The following TAF4 variants were observed in gnomAD, a reference collection of about 807,000 sequenced individuals.
TAF4 encodes TATA-box binding protein associated factor 4.
TAF4 carries 9 observed loss-of-function variants against 90.3 expected under a neutral mutation model. That is an observed-to-expected ratio of 0.10 (90% CI 0.06 to 0.17). The LOEUF (loss-of-function observed/expected upper bound fraction) is 0.17, where lower values mean the gene tolerates loss of function less well. TAF4 is among the 10% of genes least tolerant of loss of function. The pLI is 1.00. For missense variants in TAF4, 1,351 were observed against 1,370.7 expected, an observed-to-expected ratio of 0.99 and a Z score of 0.23; for synonymous variants, 818 against 638.9, an observed-to-expected ratio of 1.28 and a Z score of -4.23.
intron 1 of TAF4, among the ~76,000 whole-genome samples, chr20:62,056,103 G>A (rs773801473): frequency 6.6e-6 from 1 of 152,172 alleles, no homozygotes; most frequent in Non-Finnish European, 1.5e-5. Context: ...TGGGTGTGGT[G>A]GTACATGCCT....
At position 61,975,934 on chromosome 20, in the gene TAF4, C is replaced by A; in HGVS notation, c.*234G>T. Reference sequence around the variant, plus strand: ...TATATGGCTTGTTTGGCAGGAAGGCCACTCAATCAAGATGAGTTAAGATTT... The same window carrying A: ...TATATGGCTTGTTTGGCAGGAAGGCAACTCAATCAAGATGAGTTAAGATTT... On this transcript the variant is annotated 3_prime_UTR_variant, in exon 15 of 15. Transcript: ENST00000252996. 1 of 516,034 alleles carries A rather than the reference C, an allele frequency of 1.9e-6. No homozygotes were observed. The highest frequency in any genetic ancestry group is 3.4e-6 in the Non-Finnish European group (1 of 291,388). The allele number at this position is 516,034 out of a possible 1,614,324, so 32.0% of individuals were successfully genotyped here. A position where few individuals can be genotyped will look rare whatever the true frequency, so the allele number is the denominator to read the frequency against.
intron 14 of TAF4, among the ~76,000 whole-genome samples, chr20:61,986,027 A>G: frequency 7.3e-6 from 1 of 136,358 alleles, no homozygotes; most frequent in African/African-American, 2.7e-5. Flanking sequence ...ATCCCCCATC[A>G]AAGGAAACAC....
intron 1 of TAF4, among the ~76,000 whole-genome samples, chr20:62,040,025 G>A (rs527789399): frequency 1.4e-4 from 21 of 152,292 alleles, no homozygotes; most frequent in South Asian, 1.0e-3. Flanking sequence ...ACCTTTATGC[G>A]CTGCTGGTGA....
chr20:62,008,966 C>A, intron 5 of TAF4, 86 bp downstream of exon 5: 3 of 1,517,304 alleles, frequency 2.0e-6, no homozygotes, highest in Non-Finnish European at 2.6e-6. Flanking sequence ...GCACAGGCCT[C>A]CCGGGCACAG....
intron 1 of TAF4, among the ~76,000 whole-genome samples, chr20:62,047,936 C>T (rs1440805644): frequency 6.6e-6 from 1 of 152,210 alleles, no homozygotes; most frequent in African/African-American, 2.4e-5. Flanking sequence ...CTGCCTGACA[C>T]CGGCAACCCT....
chr20:61,988,375 T>C (rs1485168543), intron 14 of TAF4, among the ~76,000 whole-genome samples: 1 of 152,194 alleles, frequency 6.6e-6, no homozygotes, highest in African/African-American at 2.4e-5. Context: ...AAAAATAGTT[T>C]ATTAATTTAT....
intron 3 of TAF4, among the ~76,000 whole-genome samples, chr20:62,011,407 G>C (rs1243826805): frequency 1.3e-5 from 2 of 152,128 alleles, no homozygotes; most frequent in Admixed American, 1.3e-4. Context: ...GATTGTGTCT[G>C]CCACTAAGTA....
At chr20:62,051,317 ACACCGGGGGTTCTGGGCC>A (rs1453197155) in intron 1 of TAF4, among the ~76,000 whole-genome samples, 1 of 152,074 alleles carries the variant, frequency 6.6e-6, no homozygotes, top group Non-Finnish European at 1.5e-5. Flanking sequence ...TTGACGTGGG[ACACCGGGGGTTCTGGGCC>A]CACTGTGCCT....
intron 14 of TAF4, among the ~76,000 whole-genome samples, chr20:61,992,470 C>G (rs2055637483): frequency 6.6e-6 from 1 of 151,946 alleles, no homozygotes; most frequent in Non-Finnish European, 1.5e-5. Flanking sequence ...AATTCCCCAC[C>G]CCCCAAGCCC....
rs1327349347 is a variant in TAF4, at chr20:62,000,163, T to C, written c.2748A>G (p.Lys916=). 10 of 1,614,152 alleles carry C rather than the reference T, an allele frequency of 6.2e-6. No homozygotes were observed. Among genetic ancestry groups the C allele is most frequent in the Non-Finnish European group, 7.6e-6 (9 of 1,180,062 alleles). The change falls in exon 11 of 15, where the codon AAA becomes AAG. Residue 916 remains lysine, a synonymous_variant. Coordinates refer to ENST00000252996, the MANE Select transcript of TAF4 (RefSeq NM_003185.4). The part of the protein sequence containing the change: ...TQQRLQNLVE[K]ISETAQQKNF... Reference sequence around the variant, plus strand: ...TCTTCTGCTGAGCTGTTTCTGATATTTTCTCTACAAGATTCTGTAGCCTTT... The same window carrying C: ...TCTTCTGCTGAGCTGTTTCTGATATCTTCTCTACAAGATTCTGTAGCCTTT...
rs369184122 is a variant in TAF4 at position 62,010,168 on chromosome 20, A to G, written c.1642-3T>C. The G allele has an allele frequency of 6.2e-7, 1 of 1,613,810 alleles. No individual in the cohort carries two copies. The highest frequency in any genetic ancestry group is 8.5e-7 in the Non-Finnish European group (1 of 1,180,012). ...GCGCCACCCAGAACGAGCTGAGGCT[A>G]CAAGAATCCAAAAACACAAGGTAAG... On this transcript the variant is annotated splice_region_variant and splice_polypyrimidine_tract_variant and intron_variant, in intron 3 of 14. Coordinates refer to ENST00000252996, the MANE Select transcript of TAF4 (RefSeq NM_003185.4). The surrounding 1 kb of genome is among the most constrained non-coding windows in gnomAD (Gnocchi z 4.5).
At chr20:62,016,948 C>T (rs2055815269) in intron 1 of TAF4, among the ~76,000 whole-genome samples, 1 of 151,692 alleles carries the variant, frequency 6.6e-6, no homozygotes, top group African/African-American at 2.4e-5. Flanking sequence ...CCAGACTGGG[C>T]AATATAGTGA....
intron 9 of TAF4, among the ~76,000 whole-genome samples, chr20:62,002,095 G>A (rs944725402): frequency 7.2e-5 from 11 of 152,184 alleles, no homozygotes; most frequent in African/African-American, 2.2e-4. Context: ...CCTTCTGCCA[G>A]GCCGCTGACT....
chr20:62,037,361 A>G (rs945630804), intron 1 of TAF4: 1 of 152,314 alleles, frequency 6.6e-6, no homozygotes, highest in East Asian at 1.9e-4. Flanking sequence ...TTTGAAGAAA[A>G]TCCTAAGAAA....
At chr20:62,000,828 A>C (rs572930237) in intron 9 of TAF4, 107 bp from the exon 10 acceptor site, 30 of 1,239,946 alleles carry the variant, frequency 2.4e-5, no homozygotes, top group South Asian at 4.1e-5. Flanking sequence ...GGCCGTGAGG[A>C]GGCCAGGCCT....
intron 1 of TAF4, among the ~76,000 whole-genome samples, chr20:62,024,284 CAA>C (rs1195386751): frequency 3.3e-5 from 5 of 152,166 alleles, no homozygotes; most frequent in Non-Finnish European, 5.9e-5. Flanking sequence ...AACATCAACT[CAA>C]AATGGATCCA....
intron 14 of TAF4, among the ~76,000 whole-genome samples, chr20:61,990,799 G>A (rs1156917579): frequency 6.6e-6 from 1 of 152,192 alleles, no homozygotes; most frequent in Non-Finnish European, 1.5e-5. Context: ...CAGAGCCCCG[G>A]AGCCACAGAC....
At chr20:62,056,602 G>A (rs1405645071) in intron 1 of TAF4, among the ~76,000 whole-genome samples, 1 of 152,132 alleles carries the variant, frequency 6.6e-6, no homozygotes, top group Admixed American at 6.5e-5. Flanking sequence ...AGGGCCAAGG[G>A]AAAGTGCACC....
chr20:62,039,977 T>C (rs1037595703), intron 1 of TAF4, among the ~76,000 whole-genome samples: 1 of 152,154 alleles, frequency 6.6e-6, no homozygotes, highest in African/African-American at 2.4e-5. Flanking sequence ...AAGGCTAAAA[T>C]TCAAGACTGA....
Sources: gnomAD v4.1 joint callset for allele counts (sites outside exome capture counted in the v4.1 genomes callset) on GRCh38, gnomAD v4.1.1 for gene constraint, Gnocchi (gnomAD v3.1) non-coding constraint, MANE v1.5 for transcripts, NCBI Gene and HGNC (gene_info 2026-07-23, HGNC 2026-07-21) for gene names.